Variants in SIRT7 observed in about 807,000 individuals in gnomAD.
SIRT7 encodes sirtuin 7, also known as NAD-dependent protein deacetylase sirtuin-7.
A neutral mutation model predicts 42.8 loss-of-function variants in SIRT7; 32 were observed. That is an observed-to-expected ratio of 0.75 (90% CI 0.56 to 1.00). SIRT7 has a LOEUF of 1.00. Among genes scored for constraint, SIRT7 ranks in the 50% least tolerant of loss-of-function variants. The pLI is 0.00. For missense variants in SIRT7, 553 were observed against 572.2 expected, an observed-to-expected ratio of 0.97 and a Z score of 0.34; for synonymous variants, 297 against 245.2, an observed-to-expected ratio of 1.21 and a Z score of -1.97.
Position 81,913,698 on chromosome 17 carries a change from C to T in SIRT7, c.1004+76G>A. On this transcript the variant is annotated intron_variant, in intron 9 of 9. Coordinates refer to ENST00000328666, the MANE Select transcript of SIRT7 (RefSeq NM_016538.3). The surrounding 1 kb of genome is among the most constrained non-coding windows in gnomAD (Gnocchi z 5.0). Reference sequence around the variant, plus strand: ...AACACCTCAGAGCTTCCTCCACACTCAGCTCACGAGAGAAGACAGACAAGG... The same window carrying T: ...AACACCTCAGAGCTTCCTCCACACTTAGCTCACGAGAGAAGACAGACAAGG... 7.9e-7 allele frequency: 1 copy of T among 1,261,222 alleles called. No homozygotes were observed. The highest frequency in any genetic ancestry group is 1.5e-5 in the African/African-American group (1 of 67,426). The allele number at this position is 1,261,222 out of a possible 1,614,324, so 78.1% of individuals were successfully genotyped here. A position where few individuals can be genotyped will look rare whatever the true frequency, so the allele number is the denominator to read the frequency against.
intron 5 of SIRT7, chr17:81,915,031 C>T (rs1004058397): frequency 2.0e-6 from 1 of 494,772 alleles, no homozygotes; most frequent in South Asian, 2.1e-5. Flanking sequence ...TCCATGCTCT[C>T]TTGGGTCATG....
chr17:81,915,177 T>G (rs1432206171), intron 5 of SIRT7: 8 of 565,534 alleles, frequency 1.4e-5, no homozygotes, highest in Non-Finnish European at 2.2e-5. Flanking sequence ...CACAGAAAAA[T>G]GCAAGGGAAT....
At chr17:81,912,678 G>A in intron 9 of SIRT7, 64 bp from the exon 10 acceptor site, 2 of 1,521,114 alleles carry the variant, frequency 1.3e-6, no homozygotes, top group Non-Finnish European at 1.8e-6. Flanking sequence ...ACCTGCCCCA[G>A]CTCGGGAAAG....
rs1237780658 is a variant in SIRT7 at position 81,912,835 on chromosome 17, A to G, written c.1005-221T>C. 2.0e-5 allele frequency: 12 copies of G among 609,582 alleles called. No individual in the cohort carries two copies. The South Asian group carries it at 2.1e-4, about 11-fold the overall frequency. 37.8% of individuals were successfully genotyped at this position (609,582 alleles called of 1,614,324 possible). A position where few individuals can be genotyped will look rare whatever the true frequency, so the allele number is the denominator to read the frequency against. ...GGTGGTGACTCAAAGGTCGGCACCC[A>G]CACTAGCTCGGTCTCCTCAAAACTC... On this transcript the variant is annotated intron_variant, in intron 9 of 9. Coordinates refer to ENST00000328666, the MANE Select transcript of SIRT7 (RefSeq NM_016538.3).
At chr17:81,912,922 G>A (rs2040714946) in intron 9 of SIRT7, 2 of 455,740 alleles carry the variant, frequency 4.4e-6, no homozygotes, top group Non-Finnish European at 8.1e-6. Flanking sequence ...TGGCCCCAGG[G>A]CTGCCTCCGT....
rs2040722365 is a variant in SIRT7, at chr17:81,913,125, A to G, written c.1005-511T>C. 17 of 373,252 alleles carry G rather than the reference A, an allele frequency of 4.6e-5. No individual in the cohort carries two copies. The highest frequency in any genetic ancestry group is 2.9e-4 in the South Asian group (14 of 48,884). 23.1% of individuals were successfully genotyped at this position (373,252 alleles called of 1,614,324 possible). On this transcript the variant is annotated intron_variant, in intron 9 of 9. Coordinates refer to ENST00000328666, the MANE Select transcript of SIRT7 (RefSeq NM_016538.3). The surrounding 1 kb of genome is among the most constrained non-coding windows in gnomAD (Gnocchi z 5.0). ...ACTTAAGATACAGATACGCACTGATAAGGAAAATGAGCTAAGTTAATGTAA... is the reference window on the plus strand; with the variant it reads ...ACTTAAGATACAGATACGCACTGATGAGGAAAATGAGCTAAGTTAATGTAA...
In SIRT7 at chr17:81,913,725, C is replaced by G. The variant is rs2040737410; in HGVS notation, c.1004+49G>C. On this transcript the variant is annotated intron_variant, in intron 9 of 9. Coordinates refer to ENST00000328666, the MANE Select transcript of SIRT7 (RefSeq NM_016538.3). The surrounding 1 kb of genome is among the most constrained non-coding windows in gnomAD (Gnocchi z 5.0). The stretch of plus-strand genomic sequence containing the variant: ...GCTCACGAGAGAAGACAGACAAGGC[C>G]CAGCACACAGAGGTGCGGGGAAGCA... 2 of 1,464,188 alleles carry G rather than the reference C, an allele frequency of 1.4e-6. No individual in the cohort carries two copies. Among genetic ancestry groups the G allele is most frequent in the Admixed American group, 3.9e-5 (2 of 50,838 alleles). The allele number at this position is 1,464,188 out of a possible 1,614,324, so 90.7% of individuals were successfully genotyped here. A position where few individuals can be genotyped will look rare whatever the true frequency, so the allele number is the denominator to read the frequency against.
At chr17:81,916,034 C>T (rs1170350326) in intron 3 of SIRT7, 14 of 329,750 alleles carry the variant, frequency 4.2e-5, no homozygotes, top group Non-Finnish European at 3.6e-5. Flanking sequence ...CTAAAGTGCC[C>T]CCAGGGCCGA....
intron 3 of SIRT7, chr17:81,915,978 G>GTGGCACATGTGTCCTCCACACTGCA: frequency 2.3e-6 from 1 of 427,116 alleles, no homozygotes; most frequent in Non-Finnish European, 4.4e-6. Context: ...GCTGGGCTCT[G>GTGGCACATGTGTCCTCCACACTGCA]TGGCACATGT....
chr17:81,916,464 T>C (rs1162563324), intron 3 of SIRT7: 3 of 149,840 alleles, frequency 2.0e-5, no homozygotes, highest in South Asian at 2.1e-4. Flanking sequence ...ACTGGACTTT[T>C]TTTTTTTTTT....
intron 4 of SIRT7, 32 bp from the exon 5 acceptor site, chr17:81,915,544 G>A (rs1373572045): frequency 6.2e-7 from 1 of 1,613,386 alleles, no homozygotes. Context: ...AAGGTGAGGA[G>A]AGCTGGAGCT....
intron 5 of SIRT7, 84 bp downstream of exon 5, chr17:81,915,356 G>A (rs563951708): frequency 9.6e-6 from 14 of 1,457,356 alleles, no homozygotes; most frequent in Non-Finnish European, 1.3e-5. Context: ...GGCAGACAGA[G>A]GGCGGGTGCA....
At chr17:81,917,809 C>T in intron 2 of SIRT7, 21 bp downstream of exon 2, 1 of 1,407,312 alleles carries the variant, frequency 7.1e-7, no homozygotes. Context: ...GGGGCGCCCG[C>T]GCGCCGCACG....
chr17:81,912,727 G>GT, intron 9 of SIRT7, 113 bp from the exon 10 acceptor site: 1 of 1,160,436 alleles, frequency 8.6e-7, no homozygotes, highest in Non-Finnish European at 1.2e-6. Flanking sequence ...CTTCCCTCCC[G>GT]TGTCAACTGC....
In SIRT7 at chr17:81,912,524, C is replaced by T. The variant is rs201807645; in HGVS notation, c.1095G>A (p.Glu365=). 43 of 1,613,722 alleles carry T rather than the reference C, an allele frequency of 2.7e-5. No individual in the cohort carries two copies. The highest frequency in any genetic ancestry group is 2.0e-4 in the Admixed American group (12 of 60,004). The change falls in exon 10 of 10, where the codon GAG becomes GAA. Residue 365 remains glutamate (E), a synonymous_variant. Transcript: ENST00000328666. ...CACCCCGGTCCCCAGGCGGGGCCTC[C>T]TCTCTGCTTCTGCACAGCGACTTCC... ...HSRKSLCRSR[E]EAPPGDRGAP... is the part of the protein sequence containing the mutation.
chr17:81,912,268 G>T lies in SIRT7; in HGVS notation c.*148C>A. On this transcript the variant is annotated 3_prime_UTR_variant, in exon 10 of 10. Transcript: ENST00000328666. ...GGGTACAACCGCAGCAGTGCAAGGG[G>T]CTTCCTCAAGGACAAATGGCTAAAA... 1.0e-6 allele frequency: 1 copy of T among 997,060 alleles called. No homozygotes were observed. The highest frequency in any genetic ancestry group is 1.5e-6 in the Non-Finnish European group (1 of 652,414). 61.8% of individuals were successfully genotyped at this position (997,060 alleles called of 1,614,324 possible).
chr17:81,912,695 G>A, intron 9 of SIRT7, 81 bp from the exon 10 acceptor site: 1 of 1,443,130 alleles, frequency 6.9e-7, no homozygotes, highest in Non-Finnish European at 9.5e-7. Context: ...AAAGCTGTCT[G>A]CGGTCCCTGC....
rs574690762 is a variant in SIRT7, at chr17:81,913,025, C to T, written c.1005-411G>A. The T allele has an allele frequency of 2.7e-6, 1 of 363,698 alleles. No homozygotes were observed. Among genetic ancestry groups the T allele is most frequent in the East Asian group, 7.5e-5 (1 of 13,266 alleles). The allele number at this position is 363,698 out of a possible 1,614,324, so 22.5% of individuals were successfully genotyped here. ...AGACCCTCTCCCCCTTCCCAGCTGA[C>T]TAGGGAGGCGTGGCCTACAGACGAC... is the stretch of plus-strand genomic sequence containing the variant. On this transcript the variant is annotated intron_variant, in intron 9 of 9. Transcript: ENST00000328666. This position sits in a 1 kb window ranked among gnomAD's most constrained non-coding sequence, Gnocchi z 5.0.
At chr17:81,915,818 AG>A in intron 3 of SIRT7, 137 bp from the exon 4 acceptor site, 1 of 939,038 alleles carries the variant, frequency 1.1e-6, no homozygotes, top group Non-Finnish European at 1.7e-6. Context: ...TTCATTCCAC[AG>A]GCTGACCTGC....
Sources: gnomAD v4.1 joint callset for allele counts on GRCh38, gnomAD v4.1.1 for gene constraint, Gnocchi (gnomAD v3.1) non-coding constraint, MANE v1.5 for transcripts, NCBI Gene and HGNC (gene_info 2026-07-23, HGNC 2026-07-21) for gene names.